Variants in COL11A1 observed in about 807,000 individuals in gnomAD.
COL11A1 encodes collagen alpha-1(XI) chain.
COL11A1 carries 74 observed loss-of-function variants against 265.2 expected under a neutral mutation model. That is an observed-to-expected ratio of 0.28 (90% CI 0.23 to 0.34). COL11A1 has a LOEUF of 0.34. Ranked by LOEUF, COL11A1 falls within the 10% of genes least tolerant of loss-of-function variation. COL11A1 has a pLI of 1.00. For synonymous variants in COL11A1, 816 were observed against 727.6 expected (o/e 1.12, Z -1.96); for missense variants, 2,165 against 2,263.6 (o/e 0.96, Z 0.88).
chr1:102,979,685 T>C (rs1662851575), intron 31 of COL11A1: 1 of 536,576 alleles, frequency 1.9e-6, no homozygotes, highest in South Asian at 1.8e-5. Flanking sequence ...ATTAATCAAG[T>C]ATTATTTCAT....
At chr1:103,081,608 T>C (rs1268989856) in intron 2 of COL11A1, among the ~76,000 whole-genome samples, 1 of 151,896 alleles carries the variant, frequency 6.6e-6, no homozygotes, top group Non-Finnish European at 1.5e-5. Flanking sequence ...AATAAATGTA[T>C]TTCAATATAT....
intron 39 of COL11A1, 72 bp downstream of exon 39, chr1:102,962,581 G>T: frequency 7.8e-7 from 1 of 1,277,722 alleles, no homozygotes; most frequent in Non-Finnish European, 1.1e-6. Context: ...GGAATCTGTA[G>T]ACAAGGGGTG....
chr1:102,949,147 C>T (rs1016099431), intron 41 of COL11A1, among the ~76,000 whole-genome samples: 5 of 152,078 alleles, frequency 3.3e-5, no homozygotes, highest in African/African-American at 1.2e-4. Flanking sequence ...ACACATGATG[C>T]AACTAGGGTT....
intron 41 of COL11A1, among the ~76,000 whole-genome samples, chr1:102,960,030 T>G (rs1391814471): frequency 6.6e-6 from 1 of 152,146 alleles, no homozygotes; most frequent in Non-Finnish European, 1.5e-5. Flanking sequence ...ATAAGAACTT[T>G]TGTCTTATTA....
At chr1:103,066,275 A>T (rs71664979) in intron 4 of COL11A1, among the ~76,000 whole-genome samples, 10,937 of 151,956 alleles carry the variant, frequency 0.072, 560 homozygotes, top group African/African-American at 0.14. Flanking sequence ...TTTAAAATAT[A>T]CGATTATTTA....
chr1:103,025,201 T>C (rs1667419611), intron 7 of COL11A1, among the ~76,000 whole-genome samples: 1 of 152,132 alleles, frequency 6.6e-6, no homozygotes, highest in Admixed American at 6.6e-5. Context: ...AAGAAACATG[T>C]TGTGAATACC....
At chr1:103,063,616 A>G (rs1670843883) in intron 4 of COL11A1, among the ~76,000 whole-genome samples, 2 of 152,188 alleles carry the variant, frequency 1.3e-5, no homozygotes, top group African/African-American at 2.4e-5. Context: ...CTAGAAGACA[A>G]TATAGGAGAA....
chr1:102,967,236 T>TTTTA (rs1557882295), intron 37 of COL11A1, among the ~76,000 whole-genome samples: 16 of 79,662 alleles, frequency 2.0e-4, no homozygotes, highest in Non-Finnish European at 4.4e-4. Flanking sequence ...TCTTTTTTTT[T>TTTTA]TTTTTTTTTT....
At chr1:102,960,722 G>T (rs190090552) in intron 41 of COL11A1, among the ~76,000 whole-genome samples, 2 of 150,894 alleles carry the variant, frequency 1.3e-5, no homozygotes. Flanking sequence ...AAGTTGGGTA[G>T]AATTAAAAGG....
At chr1:102,948,008 CAG>C (rs1237052311) in intron 41 of COL11A1, among the ~76,000 whole-genome samples, 2 of 151,654 alleles carry the variant, frequency 1.3e-5, no homozygotes, top group African/African-American at 2.4e-5. Flanking sequence ...TTTCAAAACT[CAG>C]AGAAAATTAT....
chr1:103,068,514 A>G (rs750385719), intron 4 of COL11A1, among the ~76,000 whole-genome samples: 2 of 151,636 alleles, frequency 1.3e-5, no homozygotes, highest in East Asian at 1.9e-4. Flanking sequence ...AGACTGAATT[A>G]TTTTCCACAT....
At chr1:102,890,403 T>C in intron 58 of COL11A1, 48 bp downstream of exon 58, 1 of 1,448,066 alleles carries the variant, frequency 6.9e-7, no homozygotes, top group Non-Finnish European at 9.5e-7. Flanking sequence ...GGGCTATTAG[T>C]ATATAAAAGC....
intron 4 of COL11A1, among the ~76,000 whole-genome samples, chr1:103,048,453 C>G (rs577113786): frequency 6.6e-6 from 1 of 151,918 alleles, no homozygotes; most frequent in South Asian, 2.1e-4. Context: ...GGTGATATCC[C>G]CTTTATCATT....
chr1:103,063,678 A>T (rs1670848441), intron 4 of COL11A1, among the ~76,000 whole-genome samples: 1 of 152,190 alleles, frequency 6.6e-6, no homozygotes, highest in Admixed American at 6.5e-5. Context: ...AACACCAAAG[A>T]TATATTCCAT....
chr1:103,078,883 A>T lies in COL11A1; in HGVS notation c.275-12T>A. 1 of 1,569,582 alleles carries T rather than the reference A, an allele frequency of 6.4e-7. No homozygotes were observed. The highest frequency in any genetic ancestry group is 8.7e-7 in the Non-Finnish European group (1 of 1,144,008). Reference sequence around the variant, plus strand: ...TGGGAAAGTTCCACCTGAGAAGAAAAGGCCAAAGAGTTAGAAATTTCCAAT... The same window carrying T: ...TGGGAAAGTTCCACCTGAGAAGAAATGGCCAAAGAGTTAGAAATTTCCAAT... On this transcript the variant is annotated splice_polypyrimidine_tract_variant and intron_variant, in intron 2 of 66. Coordinates refer to ENST00000370096, the MANE Select transcript of COL11A1 (RefSeq NM_001854.4).
chr1:102,987,610 T>C (rs1390003699), intron 30 of COL11A1, 23 bp downstream of exon 30: 1 of 1,555,428 alleles, frequency 6.4e-7, no homozygotes, highest in South Asian at 1.1e-5. Context: ...AGAGTACCAG[T>C]GAATTTAAAG....
At chr1:102,909,381 G>C (rs1199723222) in intron 54 of COL11A1, among the ~76,000 whole-genome samples, 1 of 152,142 alleles carries the variant, frequency 6.6e-6, no homozygotes, top group Non-Finnish European at 1.5e-5. Context: ...CTGCAGAACT[G>C]TGAGCTAGAT....
chr1:102,878,631 C>T (rs1649841510), intron 66 of COL11A1, among the ~76,000 whole-genome samples: 1 of 150,350 alleles, frequency 6.7e-6, no homozygotes, highest in Non-Finnish European at 1.5e-5. Flanking sequence ...CTGCCTCAGT[C>T]TCCTGAGTAG....
chr1:102,945,897 A>G (rs934674788), intron 42 of COL11A1, among the ~76,000 whole-genome samples: 12 of 151,554 alleles, frequency 7.9e-5, no homozygotes, highest in Non-Finnish European at 1.0e-4. Flanking sequence ...TTGCGGCACT[A>G]TTCACAATAG....
Sources: allele counts gnomAD v4.1 joint callset (sites outside exome capture counted in the v4.1 genomes callset), GRCh38; gene constraint gnomAD v4.1.1; transcripts MANE v1.5; gene names NCBI Gene and HGNC (gene_info 2026-07-23, HGNC 2026-07-21).